CDC42BPA: variants seen among roughly 807,000 people sequenced by gnomAD.
CDC42BPA encodes CDC42 binding protein kinase alpha, also known as serine/threonine-protein kinase MRCK alpha.
Under a neutral mutation model 223.5 loss-of-function variants are expected in CDC42BPA, and 80 were observed. The observed-to-expected ratio is 0.36, with a 90% CI of 0.30 to 0.43. The LOEUF (loss-of-function observed/expected upper bound fraction) is 0.43, where lower values mean the gene tolerates loss of function less well. Among genes scored for constraint, CDC42BPA ranks in the 20% least tolerant of loss-of-function variants. The pLI is 1.00. For missense variants in CDC42BPA, 1,743 were observed against 2,099.9 expected, an observed-to-expected ratio of 0.83 and a Z score of 3.32; for synonymous variants, 694 against 718.6, an observed-to-expected ratio of 0.97 and a Z score of 0.55.
chr1:227,092,538 C>T (rs1683274558), intron 15 of CDC42BPA, among the ~76,000 whole-genome samples: 1 of 152,112 alleles, frequency 6.6e-6, no homozygotes, highest in South Asian at 2.1e-4. Flanking sequence ...AGATACTTTT[C>T]TTTGTGTATT....
intron 6 of CDC42BPA, among the ~76,000 whole-genome samples, chr1:227,156,437 GCC>G (rs1662810773): frequency 3.9e-4 from 1 of 2,588 alleles, no homozygotes; most frequent in Non-Finnish European, 2.5e-3. Context: ...ACTTTGAGAG[GCC>G]TGCCATAGGC....
intron 8 of CDC42BPA, among the ~76,000 whole-genome samples, chr1:227,145,287 G>C (rs1481505947): frequency 2.0e-5 from 3 of 152,042 alleles, no homozygotes; most frequent in Admixed American, 6.6e-5. Flanking sequence ...TTTGTTCTTA[G>C]TCACAAATAA....
At chr1:227,259,946 C>T (rs992252796) in intron 1 of CDC42BPA, among the ~76,000 whole-genome samples, 1 of 149,584 alleles carries the variant, frequency 6.7e-6, no homozygotes, top group African/African-American at 2.5e-5. Context: ...TAAGGACAAA[C>T]TTTCTGTGTG....
intron 19 of CDC42BPA, 27 bp downstream of exon 19, chr1:227,073,837 T>C (rs749094664): frequency 2.0e-6 from 3 of 1,464,404 alleles, no homozygotes; most frequent in Admixed American, 2.5e-5. Context: ...GAAATTATTC[T>C]AGTGGGACTA....
At chr1:227,051,583 TAG>T (rs963633510) in intron 22 of CDC42BPA, among the ~76,000 whole-genome samples, 2 of 152,212 alleles carry the variant, frequency 1.3e-5, no homozygotes, top group South Asian at 2.1e-4. Context: ...GCCATTTGCC[TAG>T]AGTTTCTAAT....
intron 5 of CDC42BPA, among the ~76,000 whole-genome samples, chr1:227,163,910 A>G (rs1296335878): frequency 1.3e-5 from 2 of 152,110 alleles, no homozygotes; most frequent in Non-Finnish European, 2.9e-5. Context: ...GTAGTGTGAG[A>G]TAAAGGGCAG....
chr1:227,092,246 A>G (rs1433490711), intron 15 of CDC42BPA, among the ~76,000 whole-genome samples: 2 of 152,152 alleles, frequency 1.3e-5, no homozygotes, highest in Non-Finnish European at 2.9e-5. Flanking sequence ...GTGCCAAGGA[A>G]TTGTTGCAGG....
At chr1:227,292,947 G>A (rs969138330) in intron 1 of CDC42BPA, among the ~76,000 whole-genome samples, 1 of 151,948 alleles carries the variant, frequency 6.6e-6, no homozygotes, top group Non-Finnish European at 1.5e-5. Context: ...TGCCCTCCTT[G>A]TTATATTTTA....
intron 1 of CDC42BPA, among the ~76,000 whole-genome samples, chr1:227,275,021 A>G (rs1424730545): frequency 4.6e-5 from 7 of 152,200 alleles, no homozygotes. Context: ...GAAGCATACA[A>G]AAGTTTGAAC....
At chr1:226,995,393 T>C (rs1160323586) in intron 35 of CDC42BPA, among the ~76,000 whole-genome samples, 2 of 152,232 alleles carry the variant, frequency 1.3e-5, no homozygotes, top group African/African-American at 4.8e-5. Context: ...GTGCCTGTCA[T>C]TCTCCCAATA....
intron 3 of CDC42BPA, among the ~76,000 whole-genome samples, chr1:227,210,406 T>C (rs563770615): frequency 6.6e-6 from 1 of 152,164 alleles, no homozygotes; most frequent in Non-Finnish European, 1.5e-5. Context: ...CTCTACCTTT[T>C]GGGTTCTTCT....
chr1:227,023,103 T>C (rs1430871243), intron 32 of CDC42BPA, among the ~76,000 whole-genome samples, 160 bp downstream of exon 32: 1 of 152,204 alleles, frequency 6.6e-6, no homozygotes, highest in Admixed American at 6.5e-5. Context: ...TATTCTAATA[T>C]ATTAAGAATG....
At chr1:227,147,956 A>G (rs1660991767) in intron 6 of CDC42BPA, among the ~76,000 whole-genome samples, 1 of 152,140 alleles carries the variant, frequency 6.6e-6, no homozygotes, top group Non-Finnish European at 1.5e-5. Flanking sequence ...AAAGCTCCTG[A>G]TATTTAGGCC....
chr1:227,300,987 AAAT>A (rs1264805116), intron 1 of CDC42BPA, among the ~76,000 whole-genome samples: 1 of 152,230 alleles, frequency 6.6e-6, no homozygotes, highest in African/African-American at 2.4e-5. Flanking sequence ...TAGTTTTAAG[AAAT>A]AATAATCATA....
At chr1:227,032,589 G>A (rs1170241221) in intron 27 of CDC42BPA, among the ~76,000 whole-genome samples, 1 of 152,024 alleles carries the variant, frequency 6.6e-6, no homozygotes, top group Non-Finnish European at 1.5e-5. Context: ...CTTAAATCTG[G>A]GCTGACCTCA....
chr1:227,013,395 CTTT>C (rs542850219), intron 34 of CDC42BPA, among the ~76,000 whole-genome samples: 6 of 149,848 alleles, frequency 4.0e-5, no homozygotes, highest in Non-Finnish European at 8.9e-5. Context: ...CTTTTTATCT[CTTT>C]TTTTTTCTTA....
intron 22 of CDC42BPA, among the ~76,000 whole-genome samples, chr1:227,048,321 TGAG>T (rs1000299956): frequency 7.2e-5 from 11 of 152,110 alleles, no homozygotes; most frequent in African/African-American, 2.4e-4. Context: ...TACATAAATA[TGAG>T]GATATTAATT....
chr1:227,156,020 T>A (rs961971476), intron 6 of CDC42BPA, among the ~76,000 whole-genome samples: 3 of 152,148 alleles, frequency 2.0e-5, no homozygotes, highest in African/African-American at 7.2e-5. Flanking sequence ...ACCACTGAAC[T>A]TGCGTGGGTG....
intron 10 of CDC42BPA, among the ~76,000 whole-genome samples, chr1:227,138,515 C>T (rs1163040741): frequency 1.6e-5 from 1 of 62,242 alleles, no homozygotes; most frequent in African/African-American, 7.0e-5. Flanking sequence ...GATAAAGTGC[C>T]CCAGAAGCCA....
Sources: gnomAD v4.1 joint callset for allele counts (sites outside exome capture counted in the v4.1 genomes callset) on GRCh38, gnomAD v4.1.1 for gene constraint, MANE v1.5 for transcripts, NCBI Gene and HGNC (gene_info 2026-07-23, HGNC 2026-07-21) for gene names.